ANKRD31: variants seen among roughly 807,000 people sequenced by gnomAD.
ANKRD31 encodes ankyrin repeat domain-containing protein 31.
ANKRD31 carries 147 observed loss-of-function variants against 186.0 expected under a neutral mutation model. The ratio of observed to expected loss-of-function variants is 0.79; its 90% CI spans 0.69 to 0.91. The LOEUF (loss-of-function observed/expected upper bound fraction) is 0.91, where lower values mean the gene tolerates loss of function less well. Among genes scored for constraint, ANKRD31 ranks in the 40% least tolerant of loss-of-function variants. ANKRD31 has a pLI of 0.00. For missense variants in ANKRD31, 1,986 were observed against 2,148.8 expected (o/e 0.92, Z 1.50); for synonymous variants, 673 against 736.4 (o/e 0.91, Z 1.39).
At chr5:75,144,746 G>A (rs965406485) in intron 14 of ANKRD31, among the ~76,000 whole-genome samples, 1 of 152,054 alleles carries the variant, frequency 6.6e-6, no homozygotes, top group African/African-American at 2.4e-5. Context: ...TTGATAAATG[G>A]GATCTAATTA....
intron 10 of ANKRD31, among the ~76,000 whole-genome samples, chr5:75,179,831 G>T (rs866782575): frequency 2.0e-5 from 3 of 152,158 alleles, no homozygotes; most frequent in African/African-American, 7.2e-5. Context: ...ACAAGACAGG[G>T]ATGCCCTCTC....
chr5:75,172,202 C>T (rs1011134797), intron 10 of ANKRD31, among the ~76,000 whole-genome samples: 3 of 151,750 alleles, frequency 2.0e-5, no homozygotes, highest in African/African-American at 7.3e-5. Flanking sequence ...AAGAATGATA[C>T]ATCATGACCA....
chr5:75,157,431 T>A (rs745310729), intron 11 of ANKRD31, among the ~76,000 whole-genome samples: 1 of 152,086 alleles, frequency 6.6e-6, no homozygotes, highest in Non-Finnish European at 1.5e-5. Flanking sequence ...AAAAGATAAA[T>A]TGAAGAAAGA....
chr5:75,202,658 G>C (rs1755894635), intron 5 of ANKRD31, among the ~76,000 whole-genome samples: 2 of 152,186 alleles, frequency 1.3e-5, no homozygotes, highest in South Asian at 4.1e-4. Context: ...TCTACAATTT[G>C]ATTAGAATTT....
chr5:75,180,873 C>T (rs1754230705), intron 10 of ANKRD31, among the ~76,000 whole-genome samples: 1 of 152,072 alleles, frequency 6.6e-6, no homozygotes, highest in Non-Finnish European at 1.5e-5. Context: ...GAAGCCAAAA[C>T]TGACAAATGG....
intron 22 of ANKRD31, among the ~76,000 whole-genome samples, chr5:75,099,535 A>T (rs1284610553): frequency 5.3e-5 from 8 of 152,206 alleles, no homozygotes. Flanking sequence ...CCTCTGATAG[A>T]ACTCAGCTGT....
At position 75,148,764 on chromosome 5, in the gene ANKRD31, G is replaced by A. The variant is rs1751660033; in HGVS notation, c.1853-136C>T. On this transcript the variant is annotated intron_variant, in intron 12 of 25. Transcript: ENST00000506364. ...TATGCAAACATTTTATATTAAAATT[G>A]GCACATACAACATTCCTATAAGTTC... is the stretch of plus-strand genomic sequence containing the variant. 1.5e-5 allele frequency: 8 copies of A among 550,112 alleles called. 1 individual carries two copies. In the South Asian group the frequency reaches 2.5e-4, roughly 18 times the overall value. 34.1% of individuals were successfully genotyped at this position (550,112 alleles called of 1,614,324 possible).
chr5:75,122,257 G>A (rs1481312278), intron 17 of ANKRD31, among the ~76,000 whole-genome samples: 11 of 148,110 alleles, frequency 7.4e-5, no homozygotes, highest in African/African-American at 2.6e-4. Flanking sequence ...TGAAGAACTA[G>A]ATATCCTGAA....
chr5:75,205,437 G>T (rs950435736), intron 5 of ANKRD31, among the ~76,000 whole-genome samples: 1 of 152,090 alleles, frequency 6.6e-6, no homozygotes, highest in Non-Finnish European at 1.5e-5. Context: ...AGTAATAATT[G>T]TATGTTCAGG....
intron 10 of ANKRD31, among the ~76,000 whole-genome samples, chr5:75,179,666 T>C (rs998696136): frequency 5.3e-5 from 8 of 152,164 alleles, no homozygotes; most frequent in African/African-American, 1.7e-4. Context: ...GAAAAGGCCT[T>C]TGACAAAATT....
chr5:75,166,500 G>C (rs57155346), intron 11 of ANKRD31, among the ~76,000 whole-genome samples: 7,435 of 152,018 alleles, frequency 0.049, 396 homozygotes, highest in African/African-American at 0.13. Flanking sequence ...AAACAAAAAA[G>C]GGTTCACTGT....
chr5:75,215,700 A>G (rs1335530777), intron 3 of ANKRD31, among the ~76,000 whole-genome samples: 2 of 152,092 alleles, frequency 1.3e-5, no homozygotes, highest in Non-Finnish European at 2.9e-5. Flanking sequence ...CTAAAATAGT[A>G]TTCTTTAAAG....
intron 25 of ANKRD31, among the ~76,000 whole-genome samples, chr5:75,078,407 C>T (rs766199018): frequency 2.6e-5 from 4 of 151,954 alleles, no homozygotes; most frequent in Non-Finnish European, 5.9e-5. Context: ...ATCTAACGGA[C>T]CATTTTATTA....
chr5:75,134,285 A>G (rs1750350336), intron 17 of ANKRD31, among the ~76,000 whole-genome samples: 2 of 152,198 alleles, frequency 1.3e-5, no homozygotes, highest in Non-Finnish European at 2.9e-5. Flanking sequence ...AATAAAGAAG[A>G]AAAGAGAGAA....
rs1056584546 is a variant in ANKRD31, at chr5:75,080,608, T to A, written c.5607A>T (p.Glu1869Asp). ...EVACLDDPVQ[E>D]PNKSMFEKTK... Reference sequence around the variant, plus strand: ...TTTTCTCAAACATTGATTTGTTTGGTTCCTGTACTGGGTCATCTAAACAAG... The same window carrying A: ...TTTTCTCAAACATTGATTTGTTTGGATCCTGTACTGGGTCATCTAAACAAG... Residue 1869 changes from glutamate (E) to aspartate (D), a missense_variant, in exon 25 of 26, where the codon GAA (glutamate) becomes GAT (aspartate). Physicochemically the swap from Glu to Asp is conservative, Grantham distance 45 (BLOSUM62 2). Transcript: ENST00000506364. The A allele has an allele frequency of 3.3e-6, 5 of 1,529,596 alleles. No homozygotes were observed. Among genetic ancestry groups the A allele is most frequent in the Non-Finnish European group, 4.4e-6 (5 of 1,144,752 alleles). 94.8% of individuals were successfully genotyped at this position (1,529,596 alleles called of 1,614,324 possible).
intron 9 of ANKRD31, among the ~76,000 whole-genome samples, chr5:75,192,311 A>G (rs753868236): frequency 4.6e-5 from 7 of 152,172 alleles, no homozygotes; most frequent in Non-Finnish European, 1.0e-4. Context: ...GGAACACAGA[A>G]ATAAGATCTA....
At chr5:75,132,033 G>T (rs7717760) in intron 17 of ANKRD31, among the ~76,000 whole-genome samples, 7,373 of 152,240 alleles carry the variant, frequency 0.048, 389 homozygotes, top group African/African-American at 0.13. Context: ...AAAGACCAAA[G>T]GTAGATAAAA....
chr5:75,152,670 G>T (rs961735411), intron 12 of ANKRD31, among the ~76,000 whole-genome samples: 1 of 151,834 alleles, frequency 6.6e-6, no homozygotes, highest in Non-Finnish European at 1.5e-5. Context: ...TGCCTACTAC[G>T]TACAAGTCAC....
intron 12 of ANKRD31, among the ~76,000 whole-genome samples, chr5:75,153,154 C>G (rs1364404402): frequency 6.6e-6 from 1 of 152,028 alleles, no homozygotes; most frequent in Non-Finnish European, 1.5e-5. Flanking sequence ...AAGCCTTCAG[C>G]CAACAACCAG....
Sources: gnomAD v4.1 joint callset for allele counts (sites outside exome capture counted in the v4.1 genomes callset) on GRCh38, gnomAD v4.1.1 for gene constraint, MANE v1.5 for transcripts, NCBI Gene and HGNC (gene_info 2026-07-23, HGNC 2026-07-21) for gene names.